Variants in ISLR2 observed in about 807,000 individuals in gnomAD.
ISLR2 encodes the protein immunoglobulin superfamily containing leucine rich repeat 2.
Under a neutral mutation model 25.5 loss-of-function variants are expected in ISLR2, and 16 were observed. The observed-to-expected ratio is 0.63, with a 90% CI of 0.43 to 0.95. ISLR2 has a LOEUF of 0.95. ISLR2 is among the 40% of genes least tolerant of loss of function. The pLI is 0.00. For synonymous variants in ISLR2, 508 were observed against 486.6 expected, an observed-to-expected ratio of 1.04 and a Z score of -0.58; for missense variants, 883 against 1,030.7, an observed-to-expected ratio of 0.86 and a Z score of 1.96.
At chr15:74,102,646 A>G (rs571639327) in intron 1 of ISLR2, among the ~76,000 whole-genome samples, 3 of 152,024 alleles carry the variant, frequency 2.0e-5, no homozygotes, top group Non-Finnish European at 4.4e-5. Flanking sequence ...TTCCCAGGTG[A>G]CACTGGTGCT....
intron 2 of ISLR2, among the ~76,000 whole-genome samples, chr15:74,121,885 C>G (rs547398325): frequency 7.9e-5 from 12 of 152,336 alleles, no homozygotes; most frequent in African/African-American, 2.9e-4. Context: ...TTGGGGTCAG[C>G]ATCCTATTAT....
At chr15:74,137,922 A>T (rs1390022015), downstream of ISLR2, among the ~76,000 whole-genome samples, 1 of 151,352 alleles carries the variant, frequency 6.6e-6, no homozygotes, top group Non-Finnish European at 1.5e-5. Flanking sequence ...CCCTTCCCAG[A>T]CCAGCAAAGC....
At position 74,134,255 on chromosome 15, in the gene ISLR2, C is replaced by T. The variant is rs1438067736; in HGVS notation, c.1501C>T (p.Gln501Ter). Residue 501 changes from glutamine (Q) to a stop codon, truncating the protein, a stop_gained, in exon 3 of 3, where the codon CAG becomes TAG. Transcript: ENST00000453268. LOFTEE classifies it high-confidence loss of function. ...LDVAEREARV[Q>*]LTPLAARWGP... The stretch of plus-strand genomic sequence containing the variant: ...TGTGGCGGAGCGCGAGGCGCGGGTG[C>T]AGCTGACTCCGCTGGCTGCGCGCTG... 1 of 1,571,596 alleles carries T rather than the reference C, an allele frequency of 6.4e-7. No homozygotes were observed. Among genetic ancestry groups the T allele is most frequent in the Non-Finnish European group, 8.6e-7 (1 of 1,158,526 alleles).
At chr15:74,137,480 AG>A (rs899820570), downstream of ISLR2, among the ~76,000 whole-genome samples, 56 of 152,284 alleles carry the variant, frequency 3.7e-4, no homozygotes, top group Admixed American at 1.9e-3. Flanking sequence ...GGGTGTGCCA[AG>A]GGGGTGCACC....
At chr15:74,128,597 T>C, upstream of ISLR2, 1 of 456,564 alleles carries the variant, frequency 2.2e-6, no homozygotes, top group Non-Finnish European at 4.4e-6. Context: ...GAGCCCATTC[T>C]CCCTTCCATT....
upstream of ISLR2, among the ~76,000 whole-genome samples, chr15:74,123,218 G>A (rs746822095): frequency 4.3e-4 from 65 of 152,228 alleles, no homozygotes; most frequent in Non-Finnish European, 7.8e-4. Flanking sequence ...GGACCCAAGC[G>A]GGCCTCAAGA....
At chr15:74,130,924 A>G (rs1404762829) in intron 1 of ISLR2, among the ~76,000 whole-genome samples, 3 of 151,934 alleles carry the variant, frequency 2.0e-5, no homozygotes. Flanking sequence ...GGCTGCGAAG[A>G]GCCCAGCCAG....
chr15:74,113,268 G>T (rs567258958), intron 2 of ISLR2, among the ~76,000 whole-genome samples: 3 of 152,272 alleles, frequency 2.0e-5, no homozygotes, highest in African/African-American at 7.2e-5. Flanking sequence ...GACGGGTACA[G>T]TCCACAGCCT....
In ISLR2 at chr15:74,134,554, C is replaced by T. The variant is rs369295288; in HGVS notation, c.1800C>T (p.Leu600=). ...LLVIVAVSVF[L]LVLATVPLLG... is the part of the protein sequence containing the mutation. ...TCATAGTGGCAGTGAGCGTATTCCT[C>T]CTGGTGCTGGCCACAGTGCCCCTTC... Residue 600 remains leucine (L), a synonymous_variant, in exon 3 of 3, where the codon CTC becomes CTT. Transcript: ENST00000453268. 2.0e-5 allele frequency: 32 copies of T among 1,614,034 alleles called. No individual in the cohort carries two copies. In the African/African-American group the frequency reaches 2.0e-4, roughly 10 times the overall value.
intron 2 of ISLR2, among the ~76,000 whole-genome samples, chr15:74,117,126 C>T (rs1246552188): frequency 6.6e-6 from 1 of 152,108 alleles, no homozygotes; most frequent in African/African-American, 2.4e-5. Flanking sequence ...ATATGAATGA[C>T]CCTCAAACAG....
At chr15:74,106,871 A>C (rs371021500) in intron 2 of ISLR2, among the ~76,000 whole-genome samples, 3 of 152,132 alleles carry the variant, frequency 2.0e-5, no homozygotes, top group African/African-American at 7.2e-5. Flanking sequence ...TACGGGGCCC[A>C]CCACAGCAGA....
chr15:74,109,293 G>A (rs1464315948), intron 2 of ISLR2, among the ~76,000 whole-genome samples: 4 of 151,956 alleles, frequency 2.6e-5, no homozygotes, highest in Non-Finnish European at 4.4e-5. Flanking sequence ...AGGGCCCTGG[G>A]AAAGGAGACT....
At chr15:74,129,341 A>T, upstream of ISLR2, 1 of 248,952 alleles carries the variant, frequency 4.0e-6, no homozygotes, top group South Asian at 4.2e-5. The surrounding 1 kb of genome is among the most constrained non-coding windows in gnomAD (Gnocchi z 4.5). Flanking sequence ...TCTCTTCCCC[A>T]CCCCCTCCCC....
rs936289761 is a variant in ISLR2, at chr15:74,135,148, G to C, written c.*156G>C. On this transcript the variant is annotated 3_prime_UTR_variant, in exon 3 of 3. Coordinates refer to ENST00000453268, the MANE Select transcript of ISLR2 (RefSeq NM_020851.3). The stretch of plus-strand genomic sequence containing the variant: ...CCTTGACTACCAGGGACTTCTATTA[G>C]GGAGTGGGCCGATTTCACCAGTCCC... 2.2e-6 allele frequency: 2 copies of C among 898,704 alleles called. No homozygotes were observed. Among genetic ancestry groups the C allele is most frequent in the Non-Finnish European group, 3.4e-6 (2 of 594,242 alleles). The allele number at this position is 898,704 out of a possible 1,614,324, so 55.7% of individuals were successfully genotyped here.
exon 2 of ISLR2, chr15:74,103,884 G>A (rs1452212813): frequency 9.3e-5 from 14 of 150,754 alleles, no homozygotes. Flanking sequence ...CTCTCCTGCT[G>A]CCCTGTGAAG....
rs1472781578 is a variant in ISLR2, at chr15:74,134,695, G to C, written c.1941G>C (p.Pro647=). ...MEKRIAADFD[P]RASYLESEKS... is the part of the protein sequence containing the mutation. ...AGCGCATCGCCGCAGACTTCGACCC[G>C]CGTGCTTCGTACCTCGAGTCCGAGA... is the stretch of plus-strand genomic sequence containing the variant. The change falls in exon 3 of 3, where the codon CCG becomes CCC. Residue 647 remains proline (P), a synonymous_variant. Transcript: ENST00000453268. The C allele has an allele frequency of 1.2e-6, 2 of 1,614,116 alleles. No homozygotes were observed. The highest frequency in any genetic ancestry group is 8.5e-7 in the Non-Finnish European group (1 of 1,180,018).
rs747515879 is a variant in ISLR2 at position 74,134,266 on chromosome 15, G to T, written c.1512G>T (p.Pro504=). The T allele has an allele frequency of 5.8e-6, 9 of 1,558,360 alleles. No individual in the cohort carries two copies. Among genetic ancestry groups the T allele is most frequent in the Non-Finnish European group, 7.8e-6 (9 of 1,151,304 alleles). Residue 504 remains proline (P), a synonymous_variant, in exon 3 of 3, where the codon CCG becomes CCT. Coordinates refer to ENST00000453268, the MANE Select transcript of ISLR2 (RefSeq NM_020851.3). ...GCGAGGCGCGGGTGCAGCTGACTCCGCTGGCTGCGCGCTGGGGCCCTGGGC... is the reference window on the plus strand; with the variant it reads ...GCGAGGCGCGGGTGCAGCTGACTCCTCTGGCTGCGCGCTGGGGCCCTGGGC... ...AEREARVQLT[P]LAARWGPGPG...
At chr15:74,122,907 A>G (rs1433525330) in intron 2 of ISLR2, among the ~76,000 whole-genome samples, 1 of 152,074 alleles carries the variant, frequency 6.6e-6, no homozygotes, top group Non-Finnish European at 1.5e-5. Context: ...AGGAGGCCAC[A>G]GGAGGTGGTG....
upstream of ISLR2, chr15:74,128,218 C>T (rs535429188): frequency 1.4e-4 from 43 of 317,522 alleles, no homozygotes; most frequent in Middle Eastern, 1.1e-3. Flanking sequence ...TCGCGGCTCC[C>T]ACCCCAGGCC....
Sources: allele counts gnomAD v4.1 joint callset (sites outside exome capture counted in the v4.1 genomes callset), GRCh38; gene constraint gnomAD v4.1.1; non-coding constraint Gnocchi (gnomAD v3.1); transcripts MANE v1.5; gene names NCBI Gene and HGNC (gene_info 2026-07-23, HGNC 2026-07-21).